CTNNA3: variants seen among roughly 807,000 people sequenced by gnomAD.
The protein encoded by CTNNA3 is catenin alpha-3.
CTNNA3 carries 76 observed loss-of-function variants against 95.7 expected under a neutral mutation model. The ratio of observed to expected loss-of-function variants is 0.79; its 90% CI spans 0.66 to 0.96. CTNNA3 has a LOEUF of 0.96. CTNNA3 is among the 40% of genes least tolerant of loss of function. The pLI, the probability that CTNNA3 is intolerant of heterozygous loss-of-function variation, is 0.00. For missense variants in CTNNA3, 1,191 were observed against 1,089.8 expected, an observed-to-expected ratio of 1.09 and a Z score of -1.31; for synonymous variants, 431 against 374.4, an observed-to-expected ratio of 1.15 and a Z score of -1.74.
At chr10:67,729,046 C>T (rs1319190111) in intron 1 of CTNNA3, among the ~76,000 whole-genome samples, 2 of 151,942 alleles carry the variant, frequency 1.3e-5, no homozygotes, top group East Asian at 3.8e-4. Flanking sequence ...AATTTGAAGG[C>T]AGTCTAATTT....
intron 13 of CTNNA3, among the ~76,000 whole-genome samples, chr10:66,112,096 A>C (rs1165716622): frequency 2.0e-5 from 3 of 152,186 alleles, no homozygotes; most frequent in Non-Finnish European, 2.9e-5. Context: ...AAATCTGTTG[A>C]GTTCAGTTGA....
chr10:67,065,410 C>G (rs944223771), intron 7 of CTNNA3, among the ~76,000 whole-genome samples: 3 of 151,848 alleles, frequency 2.0e-5, no homozygotes, highest in African/African-American at 7.3e-5. Flanking sequence ...TTTTCTCAAC[C>G]CTTTACATAA....
chr10:66,719,406 T>C (rs1848555107), intron 9 of CTNNA3, among the ~76,000 whole-genome samples: 1 of 152,196 alleles, frequency 6.6e-6, no homozygotes, highest in Admixed American at 6.6e-5. Context: ...TCTGATAACA[T>C]GTGTTCTACA....
chr10:66,693,627 G>C (rs1847645172), intron 9 of CTNNA3, among the ~76,000 whole-genome samples: 1 of 151,952 alleles, frequency 6.6e-6, no homozygotes, highest in South Asian at 2.1e-4. Flanking sequence ...GACATCTACA[G>C]AACTCTTCAC....
chr10:66,863,180 T>TACAC (rs71035194), intron 7 of CTNNA3, among the ~76,000 whole-genome samples: 3,807 of 147,842 alleles, frequency 0.026, 91 homozygotes, highest in African/African-American at 0.054. Context: ...GCCAATTCTT[T>TACAC]ACACACACAC....
At chr10:67,584,462 G>T (rs1180011639) in intron 3 of CTNNA3, among the ~76,000 whole-genome samples, 1 of 152,196 alleles carries the variant, frequency 6.6e-6, no homozygotes, top group African/African-American at 2.4e-5. Flanking sequence ...GCTGTATGAG[G>T]TTTCAGTCAG....
intron 5 of CTNNA3, among the ~76,000 whole-genome samples, chr10:67,343,185 A>G (rs1689800030): frequency 6.6e-6 from 1 of 152,096 alleles, no homozygotes; most frequent in Admixed American, 6.5e-5. Flanking sequence ...TCCTGACCTC[A>G]AGTGATCTGC....
At chr10:66,555,815 A>G (rs528911871) in intron 10 of CTNNA3, among the ~76,000 whole-genome samples, 2 of 152,140 alleles carry the variant, frequency 1.3e-5, no homozygotes, top group Admixed American at 1.3e-4. Context: ...CCTGACACTG[A>G]CCCTGGAAAT....
intron 10 of CTNNA3, among the ~76,000 whole-genome samples, chr10:66,569,303 C>T (rs931311733): frequency 1.3e-5 from 2 of 152,102 alleles, no homozygotes; most frequent in African/African-American, 2.4e-5. Flanking sequence ...CCTCTATTTT[C>T]TTTCATTGGG....
intron 1 of CTNNA3, among the ~76,000 whole-genome samples, chr10:67,725,888 A>C (rs935520894): frequency 7.0e-6 from 1 of 142,010 alleles, no homozygotes; most frequent in Non-Finnish European, 1.5e-5. Flanking sequence ...AGAATGTCAT[A>C]TATATAATAT....
intron 12 of CTNNA3, among the ~76,000 whole-genome samples, chr10:66,314,074 C>T (rs1015214324): frequency 2.0e-5 from 3 of 152,122 alleles, no homozygotes; most frequent in African/African-American, 4.8e-5. Flanking sequence ...CATAGGATTA[C>T]CAGTGTATGC....
chr10:67,418,469 T>C (rs182420211), intron 5 of CTNNA3, among the ~76,000 whole-genome samples: 20 of 145,086 alleles, frequency 1.4e-4, no homozygotes, highest in Non-Finnish European at 2.9e-4. Context: ...AATAAATGGA[T>C]AAAGAAACAG....
chr10:66,395,862 G>A (rs2092971667), intron 11 of CTNNA3, among the ~76,000 whole-genome samples: 1 of 151,816 alleles, frequency 6.6e-6, no homozygotes, highest in Non-Finnish European at 1.5e-5. Flanking sequence ...TGAGGTTTGG[G>A]CTCCTAGCAT....
Position 67,025,129 on chromosome 10 carries a change from C to CAA in CTNNA3, c.1047+155186_1047+155187dup, listed in dbSNP as rs1206262968. ...CTGAGCAACAAGAGCAAAACTCTGT[C>CAA]AAAAACAAAAAAAAAAAAGAAAGAA... On this transcript the variant is annotated intron_variant, in intron 7 of 17. Coordinates refer to ENST00000433211, the MANE Select transcript of CTNNA3 (RefSeq NM_013266.4). Among the ~76,000 whole-genome samples, 155 of 25,368 alleles carry CAA rather than the reference C, an allele frequency of 6.1e-3. 2 individuals are homozygous for CAA. Among genetic ancestry groups the CAA allele is most frequent in the African/African-American group, 1.0e-2 (151 of 15,174 alleles). The allele number at this position is 25,368 out of a possible 152,430, so 16.6% of individuals were successfully genotyped here.
At chr10:66,039,917 A>G (rs1418315273) in intron 15 of CTNNA3, among the ~76,000 whole-genome samples, 1 of 152,208 alleles carries the variant, frequency 6.6e-6, no homozygotes, top group Non-Finnish European at 1.5e-5. Flanking sequence ...ACAAACTAAG[A>G]ACAGAATAAA....
chr10:66,489,373 A>G (rs146562233), intron 11 of CTNNA3, among the ~76,000 whole-genome samples: 8 of 152,188 alleles, frequency 5.3e-5, no homozygotes, highest in African/African-American at 1.9e-4. Context: ...AAATAGCTCA[A>G]GTATTCTGTG....
chr10:66,383,885 C>T (rs905195161), intron 11 of CTNNA3, among the ~76,000 whole-genome samples: 1 of 152,128 alleles, frequency 6.6e-6, no homozygotes, highest in Non-Finnish European at 1.5e-5. Context: ...CCTGTACAGA[C>T]AAGCAAATGC....
chr10:67,131,264 G>A (rs1859988764), intron 7 of CTNNA3, among the ~76,000 whole-genome samples: 1 of 151,998 alleles, frequency 6.6e-6, no homozygotes, highest in Non-Finnish European at 1.5e-5. Flanking sequence ...CTGAGGATGT[G>A]TTTATATGAT....
At chr10:66,695,535 G>A (rs182581384) in intron 9 of CTNNA3, among the ~76,000 whole-genome samples, 9 of 151,982 alleles carry the variant, frequency 5.9e-5, no homozygotes, top group Non-Finnish European at 8.8e-5. Flanking sequence ...TATTATCCTC[G>A]AATACCCTCT....
Sources: gnomAD v4.1 joint callset for allele counts (sites outside exome capture counted in the v4.1 genomes callset) on GRCh38, gnomAD v4.1.1 for gene constraint, MANE v1.5 for transcripts, NCBI Gene and HGNC (gene_info 2026-07-23, HGNC 2026-07-21) for gene names.